The following ROR2 variants were observed in gnomAD, a reference collection of about 807,000 sequenced individuals.
ROR2 encodes ROR family WNT receptor 2, also known as tyrosine-protein kinase transmembrane receptor ROR2.
A neutral mutation model predicts 74.9 loss-of-function variants in ROR2; 33 were observed. The ratio of observed to expected loss-of-function variants is 0.44; its 90% CI spans 0.33 to 0.59. ROR2 has a LOEUF of 0.59. Ranked by LOEUF, ROR2 falls within the 20% of genes least tolerant of loss-of-function variation. ROR2 has a pLI of 0.02. For missense variants in ROR2, 1,216 were observed against 1,313.8 expected, an observed-to-expected ratio of 0.93 and a Z score of 1.15; for synonymous variants, 586 against 558.7, an observed-to-expected ratio of 1.05 and a Z score of -0.69.
chr9:91,876,807 C>A (rs1829966631), intron 1 of ROR2, among the ~76,000 whole-genome samples: 1 of 151,826 alleles, frequency 6.6e-6, no homozygotes, highest in African/African-American at 2.4e-5. Context: ...TGAAATTCCA[C>A]AGTGAGGAGA....
chr9:91,792,310 T>TC (rs1409411026), intron 1 of ROR2, among the ~76,000 whole-genome samples: 43 of 149,886 alleles, frequency 2.9e-4, no homozygotes, highest in Admixed American at 9.3e-4. Context: ...GTTCTATTTT[T>TC]TTTTTTTTTT....
At chr9:91,822,791 G>A (rs1359048208) in intron 1 of ROR2, among the ~76,000 whole-genome samples, 3 of 152,104 alleles carry the variant, frequency 2.0e-5, no homozygotes, top group East Asian at 1.9e-4. Flanking sequence ...CCAGGTGGTC[G>A]GATTTAGCAT....
intron 1 of ROR2, among the ~76,000 whole-genome samples, chr9:91,851,459 A>C (rs970097987): frequency 3.9e-5 from 6 of 152,162 alleles, no homozygotes; most frequent in Non-Finnish European, 7.4e-5. Flanking sequence ...TTGTCTATTT[A>C]ATTATGACAA....
At chr9:91,910,691 T>G (rs1830954759) in intron 1 of ROR2, among the ~76,000 whole-genome samples, 1 of 151,952 alleles carries the variant, frequency 6.6e-6, no homozygotes, top group African/African-American at 2.4e-5. Context: ...GGAGACAGTG[T>G]CTCACTCTGT....
chr9:91,732,535 T>C (rs1217622390), intron 6 of ROR2, among the ~76,000 whole-genome samples: 1 of 152,164 alleles, frequency 6.6e-6, no homozygotes, highest in African/African-American at 2.4e-5. Flanking sequence ...CTTCCCTGTA[T>C]TTCCTTCCCT....
At chr9:91,847,311 C>T (rs1828962038) in intron 1 of ROR2, among the ~76,000 whole-genome samples, 1 of 152,196 alleles carries the variant, frequency 6.6e-6, no homozygotes, top group African/African-American at 2.4e-5. Context: ...TTCCCTCCCT[C>T]CTGGACCCCT....
At chr9:91,783,132 G>A (rs1052751095) in intron 1 of ROR2, among the ~76,000 whole-genome samples, 8 of 152,136 alleles carry the variant, frequency 5.3e-5, no homozygotes, top group African/African-American at 1.7e-4. Context: ...CCGTCTTTCC[G>A]TCCAAATCTC....
In ROR2 at chr9:91,792,509, C is replaced by T. The variant is rs542256039; in HGVS notation, c.98-16691G>A. Among the ~76,000 whole-genome samples, 87 of 152,140 alleles carry T rather than the reference C, an allele frequency of 5.7e-4. 1 individual carries two copies. In the East Asian group the frequency reaches 8.7e-3, roughly 15 times the overall value. ...ACTTTTAGTAGACACTGGGTTTCAC[C>T]GTGTTAGCCAAGATGGTCTCGATCT... On this transcript the variant is annotated intron_variant, in intron 1 of 8. Coordinates refer to ENST00000375708, the MANE Select transcript of ROR2 (RefSeq NM_004560.4).
intron 4 of ROR2, among the ~76,000 whole-genome samples, chr9:91,739,915 T>C (rs539262519): frequency 1.3e-5 from 2 of 152,236 alleles, no homozygotes; most frequent in Non-Finnish European, 2.9e-5. Context: ...CATGTCCCTG[T>C]CTGGAGGCGG....
At position 91,723,689 on chromosome 9, in the gene ROR2, G is replaced by C. The variant is rs41277835; in HGVS notation, c.2805C>G (p.Asp935Glu). ...AAGCTTCCAGCTGGACTTGGGCCTC[G>C]TCCACCTGCAGAGTGTCACAGTCCC... ...LLGDCDTLQV[D>E]EAQVQLEA The change falls in exon 9 of 9, where the codon GAC (aspartate) becomes GAG (glutamate). Residue 935 changes from aspartate (D) to glutamate (E), a missense_variant. By Grantham distance (45) the Asp-to-Glu change is conservative. Transcript: ENST00000375708. The C allele has an allele frequency of 8.0e-3, 12,959 of 1,613,804 alleles. 81 individuals are homozygous for C. Among genetic ancestry groups the C allele is most frequent in the Non-Finnish European group, 0.01 (11,870 of 1,179,962 alleles).
chr9:91,761,742 T>C (rs546568784), intron 2 of ROR2, among the ~76,000 whole-genome samples: 1 of 152,222 alleles, frequency 6.6e-6, no homozygotes, highest in East Asian at 1.9e-4. Flanking sequence ...TGGATAAACA[T>C]AGAAATTGAC....
chr9:91,931,594 C>T (rs182164288), intron 1 of ROR2, among the ~76,000 whole-genome samples: 4 of 152,252 alleles, frequency 2.6e-5, no homozygotes, highest in African/African-American at 9.6e-5. Context: ...TAAGGTCCCA[C>T]TTAATAACCA....
chr9:91,837,739 A>T (rs903202967), intron 1 of ROR2, among the ~76,000 whole-genome samples: 9 of 142,742 alleles, frequency 6.3e-5, no homozygotes, highest in Non-Finnish European at 3.1e-5. Flanking sequence ...AAAATTTCTT[A>T]ATGTCCAGTG....
rs776288875 is a variant in ROR2 at position 91,733,341 on chromosome 9, C to T, written c.718G>A (p.Asp240Asn). The change falls in exon 6 of 9, where the codon GAC (aspartate) becomes AAC (asparagine). Residue 240 changes from aspartate (D) to asparagine (N), a missense_variant. By Grantham distance (23) the Asp-to-Asn change is conservative. Transcript: ENST00000375708. This position sits in a 1 kb window ranked among gnomAD's most constrained non-coding sequence, Gnocchi z 5.7. ...SFCHFVFPLCDARSRTPKPRE... is the reference protein window; with the variant it reads ...SFCHFVFPLCNARSRTPKPRE... Reference sequence around the variant, plus strand: ...GGCTTGGGTGTCCGGGAGCGCGCGTCGCACAGAGGAAACACGAAGTGGCAG... The same window carrying T: ...GGCTTGGGTGTCCGGGAGCGCGCGTTGCACAGAGGAAACACGAAGTGGCAG... The T allele has an allele frequency of 2.5e-6, 4 of 1,612,336 alleles. No homozygotes were observed. The highest frequency in any genetic ancestry group is 1.3e-5 in the African/African-American group (1 of 74,936).
intron 4 of ROR2, among the ~76,000 whole-genome samples, chr9:91,748,893 G>A (rs1825517021): frequency 1.3e-5 from 2 of 152,206 alleles, no homozygotes; most frequent in Non-Finnish European, 2.9e-5. Flanking sequence ...CGGGCGTGGT[G>A]GCAGGCGCCT....
chr9:91,857,287 T>C (rs1004977009), intron 1 of ROR2, among the ~76,000 whole-genome samples: 5 of 152,158 alleles, frequency 3.3e-5, no homozygotes, highest in Non-Finnish European at 7.4e-5. Flanking sequence ...GCCTTCCCTT[T>C]TGCACAGGAA....
intron 1 of ROR2, among the ~76,000 whole-genome samples, chr9:91,922,263 G>A (rs111753478): frequency 1.2e-4 from 19 of 152,150 alleles, no homozygotes; most frequent in African/African-American, 4.3e-4. Context: ...AAAAAACATG[G>A]AATGACCATG....
chr9:91,740,701 TTTTATC>T (rs1286700681), intron 4 of ROR2, among the ~76,000 whole-genome samples: 2 of 152,038 alleles, frequency 1.3e-5, no homozygotes, highest in Non-Finnish European at 2.9e-5. Context: ...AACAATTATA[TTTTATC>T]TTTATCTGGC....
At chr9:91,944,831 C>T (rs1393691592) in intron 1 of ROR2, among the ~76,000 whole-genome samples, 1 of 152,052 alleles carries the variant, frequency 6.6e-6, no homozygotes, top group Non-Finnish European at 1.5e-5. Flanking sequence ...GGTGGGGAAT[C>T]CCTTCAGCCC....
Sources: allele counts gnomAD v4.1 joint callset (sites outside exome capture counted in the v4.1 genomes callset), GRCh38; gene constraint gnomAD v4.1.1; non-coding constraint Gnocchi (gnomAD v3.1); transcripts MANE v1.5; gene names NCBI Gene and HGNC (gene_info 2026-07-23, HGNC 2026-07-21).